Variants in FAM135A observed in about 807,000 individuals in gnomAD.
FAM135A encodes the protein protein FAM135A.
In FAM135A, 79 loss-of-function variants were observed where a neutral mutation model predicts 146.8. The observed-to-expected ratio is 0.54, with a 90% CI of 0.45 to 0.65. The LOEUF is 0.65. Among genes scored for constraint, FAM135A ranks in the 30% least tolerant of loss-of-function variants. The pLI, the probability that FAM135A is intolerant of heterozygous loss-of-function variation, is 0.00. For missense variants in FAM135A, 1,623 were observed against 1,758.2 expected, an observed-to-expected ratio of 0.92 and a Z score of 1.38; for synonymous variants, 562 against 603.6, an observed-to-expected ratio of 0.93 and a Z score of 1.01.
At chr6:70,419,755 C>G (rs977477345) in intron 2 of FAM135A, among the ~76,000 whole-genome samples, 2 of 152,126 alleles carry the variant, frequency 1.3e-5, no homozygotes, top group African/African-American at 2.4e-5. Context: ...TCTCATATGT[C>G]TCTCATAATG....
chr6:70,478,301 A>G (rs979388669), intron 8 of FAM135A, among the ~76,000 whole-genome samples: 6 of 152,194 alleles, frequency 3.9e-5, no homozygotes, highest in African/African-American at 1.4e-4. Context: ...TTCAGTTTTT[A>G]CAACATCATC....
chr6:70,471,299 G>A (rs928868117), intron 5 of FAM135A, among the ~76,000 whole-genome samples: 1 of 152,000 alleles, frequency 6.6e-6, no homozygotes, highest in Non-Finnish European at 1.5e-5. Context: ...AGATGGGTAA[G>A]GAAAAAAGGA....
At chr6:70,451,769 A>C (rs1394910317) in intron 4 of FAM135A, among the ~76,000 whole-genome samples, 1 of 152,140 alleles carries the variant, frequency 6.6e-6, no homozygotes, top group African/African-American at 2.4e-5. Flanking sequence ...CTCAGTATAT[A>C]TCTAAACTTA....
chr6:70,429,233 C>T (rs966573192), intron 4 of FAM135A, among the ~76,000 whole-genome samples: 1 of 152,036 alleles, frequency 6.6e-6, no homozygotes, highest in Admixed American at 6.6e-5. Flanking sequence ...TAATTAGGGG[C>T]CAGGTGTGGT....
chr6:70,498,295 G>A (rs985275889), intron 11 of FAM135A, among the ~76,000 whole-genome samples: 1 of 152,148 alleles, frequency 6.6e-6, no homozygotes, highest in African/African-American at 2.4e-5. Context: ...ATGGTAGTTT[G>A]TATTTCTGTA....
At position 70,475,695 on chromosome 6, in the gene FAM135A, A is replaced by G. The variant is rs369093831; in HGVS notation, c.330A>G (p.Leu110=). The G allele has an allele frequency of 2.0e-5, 31 of 1,584,698 alleles. No individual in the cohort carries two copies. The South Asian group carries it at 2.4e-4, about 12-fold the overall frequency. ...AAACCCTTGAGGAAATGAATTTTCT[A>G]TTATCCTTGGATCTACACTTCACAG... is the stretch of plus-strand genomic sequence containing the variant. ...IEETLEEMNF[L]LSLDLHFTDG... Residue 110 remains leucine, a synonymous_variant, in exon 7 of 22, where the codon CTA becomes CTG. Coordinates refer to ENST00000418814, the MANE Select transcript of FAM135A (RefSeq NM_001162529.3).
chr6:70,430,250 T>C (rs754574012), intron 4 of FAM135A, among the ~76,000 whole-genome samples: 87 of 151,948 alleles, frequency 5.7e-4, no homozygotes, highest in South Asian at 1.5e-3. Context: ...GGCAGAAGAA[T>C]TGCTTGAACC....
rs1318082391 is a variant in FAM135A at position 70,533,390 on chromosome 6, A to G, written c.3867+139A>G. The G allele has an allele frequency of 3.3e-5, 20 of 613,462 alleles. No individual in the cohort carries two copies. In the Admixed American group the frequency reaches 6.6e-4, roughly 20 times the overall value. The allele number at this position is 613,462 out of a possible 1,614,324, so 38.0% of individuals were successfully genotyped here. A position where few individuals can be genotyped will look rare whatever the true frequency, so the allele number is the denominator to read the frequency against. On this transcript the variant is annotated intron_variant, in intron 17 of 21. Transcript: ENST00000418814. The stretch of plus-strand genomic sequence containing the variant: ...TGAAATTTAATATAAATGTATATCC[A>G]AAGGAAATATATATGATTTACATTT...
chr6:70,527,177 G>T (rs1419873226), intron 15 of FAM135A, among the ~76,000 whole-genome samples: 1 of 151,966 alleles, frequency 6.6e-6, no homozygotes, highest in Non-Finnish European at 1.5e-5. Context: ...GAAACTTCTT[G>T]AACTTACCAG....
At position 70,528,471 on chromosome 6, in the gene FAM135A, T is replaced by C. The variant is rs1795148124; in HGVS notation, c.3775+19T>C. The C allele has an allele frequency of 1.3e-6, 2 of 1,551,852 alleles. No homozygotes were observed. Among genetic ancestry groups the C allele is most frequent in the South Asian group, 2.5e-5 (2 of 78,892 alleles). On this transcript the variant is annotated intron_variant, in intron 16 of 21. Coordinates refer to ENST00000418814, the MANE Select transcript of FAM135A (RefSeq NM_001162529.3). ...TTAGATGGTATGTGACATCTATGGATGTAACCCAGAGCAACTCAATATATT... is the reference window on the plus strand; with the variant it reads ...TTAGATGGTATGTGACATCTATGGACGTAACCCAGAGCAACTCAATATATT...
rs1782489707 is a variant in FAM135A at position 70,475,672 on chromosome 6, A to G, written c.307A>G (p.Thr103Ala). 1.2e-6 allele frequency: 2 copies of G among 1,609,488 alleles called. No homozygotes were observed. The highest frequency in any genetic ancestry group is 4.5e-5 in the East Asian group (2 of 44,694). ...MLLDERKIEE[T>A]LEEMNFLLSL... is the part of the protein sequence containing the mutation. ...TGTAATTTCTTTTCAGATTGAAGAAACCCTTGAGGAAATGAATTTTCTATT... is the reference window on the plus strand; with the variant it reads ...TGTAATTTCTTTTCAGATTGAAGAAGCCCTTGAGGAAATGAATTTTCTATT... The change falls in exon 7 of 22, where the codon ACC (threonine) becomes GCC (alanine). Residue 103 changes from threonine (T) to alanine (A), a missense_variant. Coordinates refer to ENST00000418814, the MANE Select transcript of FAM135A (RefSeq NM_001162529.3).
At chr6:70,432,076 C>T (rs111756779) in intron 4 of FAM135A, among the ~76,000 whole-genome samples, 88 of 152,148 alleles carry the variant, frequency 5.8e-4, no homozygotes, top group African/African-American at 2.0e-3. Flanking sequence ...AATTTTAACA[C>T]GGTGTTGTGT....
intron 3 of FAM135A, among the ~76,000 whole-genome samples, chr6:70,427,609 A>C (rs1770489992): frequency 6.6e-6 from 1 of 152,194 alleles, no homozygotes; most frequent in Non-Finnish European, 1.5e-5. Context: ...TAAGTGAAAT[A>C]AGCAGATGAT....
chr6:70,413,888 G>A (rs1766847005), intron 1 of FAM135A, 186 bp downstream of exon 1: 1 of 985,414 alleles, frequency 1.0e-6, no homozygotes, highest in Non-Finnish European at 1.2e-6. Context: ...GGTCGGTGGG[G>A]ACGGCGGTGC....
chr6:70,523,820 G>A (rs1012154947), intron 13 of FAM135A, 147 bp from the exon 14 acceptor site: 5 of 636,010 alleles, frequency 7.9e-6, no homozygotes, highest in Admixed American at 4.0e-5. Context: ...AGTTTTTATC[G>A]CTGACCAAGC....
At chr6:70,414,144 ATC>A (rs1766955579) in intron 1 of FAM135A, 1 of 649,018 alleles carries the variant, frequency 1.5e-6, no homozygotes, top group Non-Finnish European at 1.9e-6. Flanking sequence ...GAAGCAGCGT[ATC>A]TCTGTGCTTC....
At chr6:70,522,656 A>G in intron 13 of FAM135A, 70 bp downstream of exon 13, 1 of 1,228,434 alleles carries the variant, frequency 8.1e-7, no homozygotes, top group Non-Finnish European at 1.2e-6. Flanking sequence ...CTCAGAATTT[A>G]TCAGTGACAG....
intron 12 of FAM135A, chr6:70,503,862 G>A (rs1789132836): frequency 6.6e-6 from 1 of 151,984 alleles, no homozygotes. Context: ...ATCTCCATTT[G>A]AATATACCCA....
chr6:70,537,231 G>A (rs1796961278), intron 19 of FAM135A, among the ~76,000 whole-genome samples: 1 of 152,204 alleles, frequency 6.6e-6, no homozygotes. Context: ...ACTGCGCCTG[G>A]CCTTGATTTG....
Sources: gnomAD v4.1 joint callset for allele counts (sites outside exome capture counted in the v4.1 genomes callset) on GRCh38, gnomAD v4.1.1 for gene constraint, MANE v1.5 for transcripts, NCBI Gene and HGNC (gene_info 2026-07-23, HGNC 2026-07-21) for gene names.